The following DGKB variants were observed in gnomAD, a reference collection of about 807,000 sequenced individuals.
DGKB encodes diacylglycerol kinase beta, also known as 90 kDa diacylglycerol kinase.
In DGKB, 67 loss-of-function variants were observed where a neutral mutation model predicts 114.3. That is an observed-to-expected ratio of 0.59 (90% CI 0.48 to 0.72). DGKB has a LOEUF of 0.72. DGKB is among the 30% of genes least tolerant of loss of function. The pLI, the probability that DGKB is intolerant of heterozygous loss-of-function variation, is 0.00. For synonymous variants in DGKB, 398 were observed against 323.1 expected (o/e 1.23, Z -2.49); for missense variants, 907 against 975.2 (o/e 0.93, Z 0.93).
intron 1 of DGKB, among the ~76,000 whole-genome samples, chr7:14,921,789 G>T (rs1784519999): frequency 1.3e-5 from 2 of 152,112 alleles, no homozygotes; most frequent in African/African-American, 4.8e-5. Context: ...CTATACTAAG[G>T]AATTTGAAAC....
chr7:14,951,311 G>A (rs1458384450), intron 1 of DGKB, among the ~76,000 whole-genome samples: 1 of 151,960 alleles, frequency 6.6e-6, no homozygotes, highest in African/African-American at 2.4e-5. Context: ...TTTAACGGGT[G>A]AACGGATAAA....
At chr7:14,530,549 A>G (rs1354391250) in intron 20 of DGKB, among the ~76,000 whole-genome samples, 1 of 151,534 alleles carries the variant, frequency 6.6e-6, no homozygotes, top group Non-Finnish European at 1.5e-5. Context: ...AAATTGGATC[A>G]CATATATTAA....
At position 14,164,253 on chromosome 7, in the gene DGKB, C is replaced by T. The variant is rs142966581; in HGVS notation, c.2304+12586G>A. 7.4e-3 allele frequency among the ~76,000 whole-genome samples: 1,119 copies of T among 151,932 alleles called. 13 individuals carry two copies. The highest frequency in any genetic ancestry group is 0.026 in the African/African-American group (1,057 of 41,428). On this transcript the variant is annotated intron_variant, in intron 25 of 25. Coordinates refer to ENST00000402815, the MANE Select transcript of DGKB (RefSeq NM_001350709.2). ...CACGTTCTTCTGTTGATTTTTTCTC[C>T]CACTCTGGTAAAATAAGCCATTAGA...
chr7:14,454,946 T>G (rs1313312327), intron 21 of DGKB, among the ~76,000 whole-genome samples: 1 of 152,004 alleles, frequency 6.6e-6, no homozygotes, highest in Non-Finnish European at 1.5e-5. Flanking sequence ...TTCTAAATAA[T>G]TTACCCTAGG....
chr7:14,746,714 G>C (rs141054274), intron 4 of DGKB, among the ~76,000 whole-genome samples: 7 of 152,190 alleles, frequency 4.6e-5, no homozygotes, highest in Middle Eastern at 6.8e-3. Flanking sequence ...GGCCAGGCTG[G>C]TCATGAACTC....
In DGKB at chr7:14,393,057, C is replaced by T. The variant is rs1365850137; in HGVS notation, c.1836-47666G>A. Among the ~76,000 whole-genome samples, 3 of 134,326 alleles carry T rather than the reference C, an allele frequency of 2.2e-5. 1 individual carries two copies. The highest frequency in any genetic ancestry group is 4.9e-4 in the South Asian group (2 of 4,112). 88.1% of individuals were successfully genotyped at this position (134,326 alleles called of 152,430 possible). A position where few individuals can be genotyped will look rare whatever the true frequency, so the allele number is the denominator to read the frequency against. ...AGGCTGGAGTGCAGTGGCACGATCT[C>T]GGCTCACTGCAAGCTCTGCCCCCTG... On this transcript the variant is annotated intron_variant, in intron 21 of 25. Transcript: ENST00000402815.
At chr7:14,675,430 G>T (rs190638682) in intron 12 of DGKB, among the ~76,000 whole-genome samples, 7 of 152,148 alleles carry the variant, frequency 4.6e-5, no homozygotes, top group Admixed American at 2.0e-4. Context: ...TAGTTTGGGG[G>T]CATTTAGGCT....
chr7:14,618,322 C>T (rs917423941), intron 15 of DGKB, among the ~76,000 whole-genome samples: 12 of 151,472 alleles, frequency 7.9e-5, no homozygotes, highest in African/African-American at 2.9e-4. Flanking sequence ...AGGAAAGACA[C>T]TGGTTCAGTT....
chr7:14,737,793 C>G (rs976889256), intron 4 of DGKB, among the ~76,000 whole-genome samples: 25 of 151,822 alleles, frequency 1.6e-4, no homozygotes, highest in African/African-American at 5.8e-4. Flanking sequence ...ACTACCACCA[C>G]CATAGAATAT....
chr7:14,872,390 C>T (rs1024123365), intron 1 of DGKB, among the ~76,000 whole-genome samples: 13 of 152,154 alleles, frequency 8.5e-5, no homozygotes, highest in South Asian at 2.1e-4. Context: ...CAAATACTAC[C>T]GGTTGACTGA....
intron 23 of DGKB, among the ~76,000 whole-genome samples, chr7:14,322,417 T>G (rs2128539040): frequency 6.6e-6 from 1 of 152,294 alleles, no homozygotes; most frequent in Middle Eastern, 3.4e-3. Flanking sequence ...TAAATACTGC[T>G]GGGTCAGTTG....
chr7:14,919,979 T>C (rs1382946267), intron 1 of DGKB, among the ~76,000 whole-genome samples: 1 of 152,142 alleles, frequency 6.6e-6, no homozygotes, highest in African/African-American at 2.4e-5. Context: ...TGAGCCAAAA[T>C]AAACCTCGTT....
intron 23 of DGKB, among the ~76,000 whole-genome samples, chr7:14,309,809 A>G (rs773938395): frequency 1.3e-5 from 2 of 152,228 alleles, no homozygotes; most frequent in African/African-American, 2.4e-5. Context: ...TGGGATTTCT[A>G]AGAGAGAAGA....
intron 25 of DGKB, among the ~76,000 whole-genome samples, chr7:14,153,590 C>G (rs1010823834): frequency 4.6e-5 from 7 of 152,034 alleles, no homozygotes; most frequent in Non-Finnish European, 8.8e-5. Flanking sequence ...GCCCTCCTTG[C>G]TAATTCCTAC....
chr7:14,505,336 C>T (rs1786859807), intron 20 of DGKB, among the ~76,000 whole-genome samples: 1 of 151,966 alleles, frequency 6.6e-6, no homozygotes, highest in African/African-American at 2.4e-5. Context: ...ACATGCTAAT[C>T]CCAGCTACTC....
chr7:14,175,818 T>G (rs185465334), intron 25 of DGKB, among the ~76,000 whole-genome samples: 109 of 152,010 alleles, frequency 7.2e-4, no homozygotes, highest in African/African-American at 2.3e-3. Flanking sequence ...GTCTTTTTTT[T>G]GGGGGGGATG....
At chr7:14,352,377 A>G (rs1202769153) in intron 21 of DGKB, among the ~76,000 whole-genome samples, 1 of 152,216 alleles carries the variant, frequency 6.6e-6, no homozygotes, top group Non-Finnish European at 1.5e-5. Context: ...AGAATTTTCT[A>G]TCATAATACT....
At chr7:14,328,321 ATATTGT>A (rs1809115719) in intron 23 of DGKB, among the ~76,000 whole-genome samples, 6 of 152,090 alleles carry the variant, frequency 3.9e-5, no homozygotes. Flanking sequence ...ATTTTTGAAA[ATATTGT>A]TATGTTTGTG....
intron 3 of DGKB, 70 bp from the exon 4 acceptor site, chr7:14,754,018 C>G: frequency 9.3e-7 from 1 of 1,074,722 alleles, no homozygotes; most frequent in Non-Finnish European, 1.4e-6. Context: ...TCTCATATCT[C>G]TGATTATTTA....
Sources: gnomAD v4.1 joint callset for allele counts (sites outside exome capture counted in the v4.1 genomes callset) on GRCh38, gnomAD v4.1.1 for gene constraint, MANE v1.5 for transcripts, NCBI Gene and HGNC (gene_info 2026-07-23, HGNC 2026-07-21) for gene names.